The following PEG3 variants were observed in gnomAD, a reference collection of about 807,000 sequenced individuals.
The protein encoded by PEG3 is paternally expressed 3.
PEG3 carries 23 observed loss-of-function variants against 35.5 expected under a neutral mutation model. The observed-to-expected ratio is 0.65, with a 90% CI of 0.47 to 0.92. The LOEUF is 0.92. PEG3 is among the 40% of genes least tolerant of loss of function. PEG3 has a pLI of 0.00. For missense variants in PEG3, 1,960 were observed against 1,985.3 expected, an observed-to-expected ratio of 0.99 and a Z score of 0.24; for synonymous variants, 707 against 697.0, an observed-to-expected ratio of 1.01 and a Z score of -0.23.
In PEG3 at chr19:56,812,271, T is replaced by A. The variant is rs2146095641; in HGVS notation, c.*1404A>T. The A allele has an allele frequency of 1.0e-6, 1 of 979,848 alleles. No homozygotes were observed. Among genetic ancestry groups the A allele is most frequent in the Middle Eastern group, 5.3e-4 (1 of 1,902 alleles). 60.7% of individuals were successfully genotyped at this position (979,848 alleles called of 1,614,324 possible). A position where few individuals can be genotyped will look rare whatever the true frequency, so the allele number is the denominator to read the frequency against. ...AGAAACCTCAAGCTGTGAGGTCAAT[T>A]TGTAATTAAAAGAATACTAAGATTA... On this transcript the variant is annotated 3_prime_UTR_variant, in exon 10 of 10. Coordinates refer to ENST00000326441, the MANE Select transcript of PEG3 (RefSeq NM_006210.3).
intron 2 of PEG3, among the ~76,000 whole-genome samples, chr19:56,835,152 G>A (rs2061961409): frequency 6.6e-6 from 1 of 152,000 alleles, no homozygotes; most frequent in Non-Finnish European, 1.5e-5. Context: ...GCCCAAGTTG[G>A]TCTCCCCACA....
In PEG3 at chr19:56,814,177, G is replaced by C. The variant is rs56237501; in HGVS notation, c.4265C>G (p.Ala1422Gly). ...TGCAGCCTCTCCATCTGGCCCTTCA[G>C]CCTCTCCGTTTGGCTCAGCAGCCTC... is the stretch of plus-strand genomic sequence containing the variant. ...EVEAAEPNGE[A>G]EGPDGEAAEP... Residue 1422 changes from alanine to glycine, a missense_variant, in exon 10 of 10, where the codon GCT (alanine) becomes GGT (glycine). Ala to Gly is a moderately conservative substitution (Grantham distance 60). Around this residue, in one of 5 missense-constraint regions of PEG3, gnomAD observed 416 missense variants for 416.7 expected, o/e 1.00. Transcript: ENST00000326441. The surrounding 1 kb of genome is among the most constrained non-coding windows in gnomAD (Gnocchi z 5.8). 10,419 of 1,614,070 alleles carry C rather than the reference G, an allele frequency of 6.5e-3. 48 individuals carry two copies. Among genetic ancestry groups the C allele is most frequent in the Non-Finnish European group, 7.8e-3 (9,249 of 1,180,034 alleles).
intron 7 of PEG3, among the ~76,000 whole-genome samples, chr19:56,820,215 C>A (rs1395147825): frequency 6.6e-6 from 1 of 152,204 alleles, no homozygotes; most frequent in Non-Finnish European, 1.5e-5. Flanking sequence ...GTAGTTTTCA[C>A]AACATGATCT....
chr19:56,831,673 T>C (rs961240422), intron 2 of PEG3, among the ~76,000 whole-genome samples: 1 of 152,264 alleles, frequency 6.6e-6, no homozygotes, highest in African/African-American at 2.4e-5. Flanking sequence ...AAATGTTACA[T>C]AACCATTAAG....
Position 56,814,709 on chromosome 19 carries a change from T to G in PEG3, c.3733A>C (p.Arg1245=), listed in dbSNP as rs56115175. ...AGTAAATCATCTTCCCTATGAAGTC[T>G]CATATGCTCATTAAGGGCAGAGCTA... ...IHSSALNEHM[R]LHREDDLLEQ... is the part of the protein sequence containing the mutation. Residue 1245 remains arginine, a synonymous_variant, in exon 10 of 10, where the codon AGA becomes CGA. Coordinates refer to ENST00000326441, the MANE Select transcript of PEG3 (RefSeq NM_006210.3). This position sits in a 1 kb window ranked among gnomAD's most constrained non-coding sequence, Gnocchi z 5.8. 7.4e-3 allele frequency: 11,964 copies of G among 1,614,064 alleles called. 803 individuals are homozygous for G. The Admixed American group carries it at 0.15, about 20-fold the overall frequency.
chr19:56,822,535 C>A (rs540294875), intron 6 of PEG3: 124 of 500,170 alleles, frequency 2.5e-4, no homozygotes, highest in Non-Finnish European at 8.3e-5. Flanking sequence ...GAATACTGAG[C>A]AAATAGTTTA....
intron 2 of PEG3, among the ~76,000 whole-genome samples, chr19:56,827,169 G>A (rs1282995447): frequency 2.0e-5 from 3 of 152,210 alleles, no homozygotes; most frequent in Admixed American, 2.0e-4. Context: ...ACAGAAAAGA[G>A]ATGGAGGACT....
At chr19:56,831,859 T>C (rs928926207) in intron 2 of PEG3, among the ~76,000 whole-genome samples, 2 of 152,230 alleles carry the variant, frequency 1.3e-5, no homozygotes, top group African/African-American at 4.8e-5. Context: ...ACTGCAAATA[T>C]TCCCATTTAC....
rs1233452981 is a variant in PEG3, at chr19:56,826,423, C to T, written c.-122G>A. ...ACAGGATCCTTTCTGGAACTTCAGA[C>T]CAAGCAGCTATCCACAGGAACAGAG... On this transcript the variant is annotated 5_prime_UTR_variant, in exon 3 of 10. Transcript: ENST00000326441. The T allele has an allele frequency of 6.6e-6, 1 of 152,222 alleles. No individual in the cohort carries two copies. The highest frequency in any genetic ancestry group is 6.5e-5 in the Admixed American group (1 of 15,280). The allele number at this position is 152,222 out of a possible 1,614,324, so 9.4% of individuals were successfully genotyped here. A position where few individuals can be genotyped will look rare whatever the true frequency, so the allele number is the denominator to read the frequency against.
At position 56,812,883 on chromosome 19, in the gene PEG3, A is replaced by G. The variant is rs1194903038; in HGVS notation, c.*792T>C. ...TTGCATGAGAACCACTTCAACAAAC[A>G]TAACATGTGGCAACCAATCAATCTG... On this transcript the variant is annotated 3_prime_UTR_variant, in exon 10 of 10. Transcript: ENST00000326441. 63 of 985,686 alleles carry G rather than the reference A, an allele frequency of 6.4e-5. No homozygotes were observed. Among genetic ancestry groups the G allele is most frequent in the South Asian group, 4.7e-5 (1 of 21,292 alleles). 61.1% of individuals were successfully genotyped at this position (985,686 alleles called of 1,614,324 possible).
intron 4 of PEG3, 28 bp from the exon 5 acceptor site, chr19:56,823,707 T>C (rs765766099): frequency 1.2e-6 from 2 of 1,612,992 alleles, no homozygotes; most frequent in African/African-American, 1.3e-5. Flanking sequence ...GCCAAGTTAC[T>C]ATCTCTGGCC....
rs749864020 is a variant in PEG3, at chr19:56,823,541, G to A, written c.481+52C>T. ...CAACCCACTGTGTCTCCATCTGGAA[G>A]CATCTGGCAGCGCCTGCCCATGGGT... On this transcript the variant is annotated intron_variant, in intron 5 of 9. Transcript: ENST00000326441. 2.5e-6 allele frequency: 4 copies of A among 1,610,102 alleles called. No homozygotes were observed. The South Asian group carries it at 4.4e-5, about 18-fold the overall frequency.
Position 56,812,499 on chromosome 19 carries a change from G to C in PEG3, c.*1176C>G, listed in dbSNP as rs45600540. The stretch of plus-strand genomic sequence containing the variant: ...AAGAGAATTAAGTTAGCGATAGAAA[G>C]ATCTAAGGATACTAGCTCCTGGGCA... On this transcript the variant is annotated 3_prime_UTR_variant, in exon 10 of 10. Transcript: ENST00000326441. 0.012 allele frequency: 12,278 copies of C among 985,354 alleles called. 78 individuals carry two copies. Among genetic ancestry groups the C allele is most frequent in the Non-Finnish European group, 0.014 (11,571 of 829,624 alleles). The allele number at this position is 985,354 out of a possible 1,614,324, so 61.0% of individuals were successfully genotyped here.
At chr19:56,831,551 G>T (rs1284551372) in intron 2 of PEG3, among the ~76,000 whole-genome samples, 1 of 152,204 alleles carries the variant, frequency 6.6e-6, no homozygotes, top group Non-Finnish European at 1.5e-5. Context: ...GAAGGCTAAG[G>T]CCACTAGGGC....
In PEG3 at chr19:56,824,637, A is replaced by G; in HGVS notation, c.19T>C (p.Leu7=). ...GACTTCTTAGGTTTGGTGGCAGACA[A>G]GTGCTTTGGAGGCAGCATTTCTCTA... MLPPKH[L]SATKPKKSWA... Residue 7 remains leucine (L), a synonymous_variant, in exon 4 of 10, where the codon TTG becomes CTG. Transcript: ENST00000326441. 3.1e-6 allele frequency: 5 copies of G among 1,596,860 alleles called. No homozygotes were observed. Among genetic ancestry groups the G allele is most frequent in the Non-Finnish European group, 3.4e-6 (4 of 1,168,480 alleles).
At position 56,813,611 on chromosome 19, in the gene PEG3, A is replaced by G; in HGVS notation, c.*64T>C. ...CTGACATTATCATGGATTGGTTTGG[A>G]TTCTCTGTGGTTTGGTAAGGGTCAA... On this transcript the variant is annotated 3_prime_UTR_variant, in exon 10 of 10. Transcript: ENST00000326441. 6.5e-7 allele frequency: 1 copy of G among 1,535,518 alleles called. No individual in the cohort carries two copies. The highest frequency in any genetic ancestry group is 1.4e-5 in the African/African-American group (1 of 72,902).
chr19:56,823,934 G>A (rs1288809107), intron 4 of PEG3, among the ~76,000 whole-genome samples: 2 of 152,072 alleles, frequency 1.3e-5, no homozygotes, highest in Non-Finnish European at 2.9e-5. Flanking sequence ...CAACCTCCTA[G>A]CACACCACAC....
At position 56,812,293 on chromosome 19, in the gene PEG3, A is replaced by G; in HGVS notation, c.*1382T>C. On this transcript the variant is annotated 3_prime_UTR_variant, in exon 10 of 10. Coordinates refer to ENST00000326441, the MANE Select transcript of PEG3 (RefSeq NM_006210.3). ...AATTTGTAATTAAAAGAATACTAAG[A>G]TTAGATGAACACAACACTCAGAAAT... is the stretch of plus-strand genomic sequence containing the variant. 1 of 981,626 alleles carries G rather than the reference A, an allele frequency of 1.0e-6. No individual in the cohort carries two copies. Among genetic ancestry groups the G allele is most frequent in the Non-Finnish European group, 1.2e-6 (1 of 826,514 alleles). The allele number at this position is 981,626 out of a possible 1,614,324, so 60.8% of individuals were successfully genotyped here. A position where few individuals can be genotyped will look rare whatever the true frequency, so the allele number is the denominator to read the frequency against.
At position 56,827,687 on chromosome 19, in the gene PEG3, T is replaced by C. The variant is rs536170553; in HGVS notation, c.-162-1224A>G. On this transcript the variant is annotated intron_variant, in intron 2 of 9. Coordinates refer to ENST00000326441, the MANE Select transcript of PEG3 (RefSeq NM_006210.3). Reference sequence around the variant, plus strand: ...TGACCTATGTGCAAGAATATATTCATTGAAGTGTTGTTAATAGACAAGATA... The same window carrying C: ...TGACCTATGTGCAAGAATATATTCACTGAAGTGTTGTTAATAGACAAGATA... Among the ~76,000 whole-genome samples, 40 of 152,338 alleles carry C rather than the reference T, an allele frequency of 2.6e-4. No homozygotes were observed. The South Asian group carries it at 5.4e-3, about 21-fold the overall frequency.
Sources: gnomAD v4.1 joint callset for allele counts (sites outside exome capture counted in the v4.1 genomes callset) on GRCh38, gnomAD v4.1.1 for gene constraint, gnomAD v4.1.1 regional missense constraint, Gnocchi (gnomAD v3.1) non-coding constraint, MANE v1.5 for transcripts, NCBI Gene and HGNC (gene_info 2026-07-23, HGNC 2026-07-21) for gene names.